The following MVD variants were observed in gnomAD, a reference collection of about 807,000 sequenced individuals.
MVD encodes mevalonate diphosphate decarboxylase.
Under a neutral mutation model 42.4 loss-of-function variants are expected in MVD, and 52 were observed. That is an observed-to-expected ratio of 1.23 (90% CI 0.98 to 1.55). The LOEUF (loss-of-function observed/expected upper bound fraction) is 1.55, where lower values mean the gene tolerates loss of function less well. Ranked by LOEUF, MVD falls within the 40% of genes most tolerant of loss-of-function variation. The pLI is 0.00. For synonymous variants in MVD, 287 were observed against 243.2 expected, an observed-to-expected ratio of 1.18 and a Z score of -1.68; for missense variants, 663 against 572.1, an observed-to-expected ratio of 1.16 and a Z score of -1.62.
chr16:88,655,025 G>A (rs1907815379), intron 7 of MVD, 174 bp downstream of exon 7: 2 of 952,518 alleles, frequency 2.1e-6, no homozygotes, highest in Non-Finnish European at 3.1e-6. Flanking sequence ...GGCAAGTCAA[G>A]AAACAAAATG....
At chr16:88,660,385 C>G (rs1465471474) in intron 1 of MVD, 5 of 152,228 alleles carry the variant, frequency 3.3e-5, no homozygotes, top group Non-Finnish European at 5.9e-5. Context: ...TGGCTCACAC[C>G]TACGATCCCA....
intron 1 of MVD, among the ~76,000 whole-genome samples, chr16:88,660,069 GT>G (rs1656977438): frequency 6.6e-6 from 1 of 152,026 alleles, no homozygotes; most frequent in Admixed American, 6.6e-5. Flanking sequence ...CCCTGAAGGA[GT>G]GGGGACTTTC....
At chr16:88,658,876 G>A (rs538535688) in intron 1 of MVD, 156 bp from the exon 2 acceptor site, 59 of 648,072 alleles carry the variant, frequency 9.1e-5, no homozygotes, top group African/African-American at 8.6e-4. Context: ...GCCAGACCCC[G>A]GCCTGCAAGA....
chr16:88,660,580 G>A (rs1457627718), intron 1 of MVD: 4 of 152,178 alleles, frequency 2.6e-5, no homozygotes, highest in South Asian at 4.1e-4. Context: ...GGGAAGCGGA[G>A]GTTGCAGTGA....
chr16:88,657,316 C>T, intron 4 of MVD, 120 bp downstream of exon 4: 2 of 1,381,486 alleles, frequency 1.4e-6, no homozygotes, highest in South Asian at 2.6e-5. Flanking sequence ...CCAGGGAGGC[C>T]TGGGGTGAGG....
At chr16:88,655,493 T>C in intron 6 of MVD, 76 bp from the exon 7 acceptor site, 1 of 1,520,470 alleles carries the variant, frequency 6.6e-7, no homozygotes, top group Non-Finnish European at 8.8e-7. Flanking sequence ...GACTCCGGGG[T>C]TGGAGGCCCG....
At position 88,656,204 on chromosome 16, in the gene MVD, C is replaced by T; in HGVS notation, c.504G>A (p.Val168=). The change falls in exon 5 of 10, where the codon GTG becomes GTA. Residue 168 remains valine (V), a synonymous_variant. Transcript: ENST00000301012. ...CGGCCTGCTCTCCCATCTGCCACTC[C>T]ACAAAGCCCCCATACAGGCTCCGGC... ...SACRSLYGGF[V]EWQMGEQADG... is the part of the protein sequence containing the mutation. 1.2e-6 allele frequency: 2 copies of T among 1,601,556 alleles called. No homozygotes were observed. The highest frequency in any genetic ancestry group is 8.5e-7 in the Non-Finnish European group (1 of 1,179,948).
intron 1 of MVD, among the ~76,000 whole-genome samples, chr16:88,661,560 A>G (rs1450130649): frequency 6.6e-6 from 1 of 152,074 alleles, no homozygotes; most frequent in Non-Finnish European, 1.5e-5. Flanking sequence ...TTATAGTAAA[A>G]AAGCAAACCA....
chr16:88,659,963 G>A (rs1229847654), intron 1 of MVD, among the ~76,000 whole-genome samples: 1 of 146,494 alleles, frequency 6.8e-6, no homozygotes, highest in East Asian at 2.0e-4. Context: ...GGCAACAGAG[G>A]GAGACCCTTT....
intron 2 of MVD, 73 bp downstream of exon 2, chr16:88,658,577 C>A: frequency 6.8e-7 from 1 of 1,480,414 alleles, no homozygotes; most frequent in African/African-American, 1.4e-5. Flanking sequence ...GCCACCATAC[C>A]CAACGGGTAC....
At chr16:88,658,159 G>T (rs1040694745) in intron 2 of MVD, 130 bp from the exon 3 acceptor site, 6 of 866,582 alleles carry the variant, frequency 6.9e-6, no homozygotes, top group Non-Finnish European at 1.1e-5. Context: ...GGGCAGGGGG[G>T]GAAAGGCCAG....
chr16:88,662,703 G>T, intron 1 of MVD: 1 of 1,391,136 alleles, frequency 7.2e-7, no homozygotes, highest in South Asian at 1.3e-5. Flanking sequence ...CACCACGGCG[G>T]ATTCTTACGA....
chr16:88,657,923 A>G lies in MVD; in HGVS notation c.248T>C (p.Leu83Pro), dbSNP rs771486207. ...DVGQPRLQAC[L>P]REIRCLARKR... ...TGGGGACCCCAGCTCACTCTCCCGC[A>G]GGCAGGCCTGCAGCCGCGGCTGCCC... is the stretch of plus-strand genomic sequence containing the variant. Residue 83 changes from leucine (L) to proline (P), a missense_variant, in exon 3 of 10, where the codon CTG becomes CCG. Transcript: ENST00000301012. 1 of 1,613,578 alleles carries G rather than the reference A, an allele frequency of 6.2e-7. No individual in the cohort carries two copies. Among genetic ancestry groups the G allele is most frequent in the South Asian group, 1.1e-5 (1 of 91,080 alleles).
chr16:88,659,075 T>A (rs1908127320), intron 1 of MVD: 2 of 320,734 alleles, frequency 6.2e-6, no homozygotes, highest in Non-Finnish European at 1.2e-5. Context: ...TGAGAACTCC[T>A]CACATCTCAC....
In MVD at chr16:88,653,129, C is replaced by T. The variant is rs149248794; in HGVS notation, c.1122+171G>A. Among the ~76,000 whole-genome samples the T allele has an allele frequency of 5.9e-3, 904 of 152,328 alleles. 7 individuals are homozygous for T. The highest frequency in any genetic ancestry group is 0.01 in the Middle Eastern group (3 of 294). Reference sequence around the variant, plus strand: ...CTGCTGCTCTGAGCATCACCAGTGGCCTGTAATGTCCACTTTGAGAGCAAA... The same window carrying T: ...CTGCTGCTCTGAGCATCACCAGTGGTCTGTAATGTCCACTTTGAGAGCAAA... On this transcript the variant is annotated intron_variant, in intron 9 of 9. Coordinates refer to ENST00000301012, the MANE Select transcript of MVD (RefSeq NM_002461.3).
intron 7 of MVD, 21 bp from the exon 8 acceptor site, chr16:88,654,828 C>A (rs777740195): frequency 2.6e-6 from 4 of 1,553,666 alleles, no homozygotes; most frequent in Non-Finnish European, 3.5e-6. Context: ...CAGCAGTCAC[C>A]CTGGCTATTC....
At chr16:88,654,829 C>T (rs757066711) in intron 7 of MVD, 22 bp from the exon 8 acceptor site, 2 of 1,552,788 alleles carry the variant, frequency 1.3e-6, no homozygotes, top group Admixed American at 4.2e-5. Context: ...AGCAGTCACC[C>T]TGGCTATTCA....
rs193185541 is a variant in MVD, at chr16:88,657,032, A to G, written c.403+404T>C. ...TTACGTGAGCCACAAAATCATCGCTATTTTAGGGCTGAGCCAGTTTGAAGT... is the reference window on the plus strand; with the variant it reads ...TTACGTGAGCCACAAAATCATCGCTGTTTTAGGGCTGAGCCAGTTTGAAGT... On this transcript the variant is annotated intron_variant, in intron 4 of 9. Transcript: ENST00000301012. 10 of 364,244 alleles carry G rather than the reference A, an allele frequency of 2.7e-5. No individual in the cohort carries two copies. The East Asian group carries it at 2.9e-4, about 11-fold the overall frequency. 22.6% of individuals were successfully genotyped at this position (364,244 alleles called of 1,614,324 possible).
chr16:88,653,275 G>C (rs771196937), intron 9 of MVD, 25 bp downstream of exon 9: 1 of 1,575,902 alleles, frequency 6.3e-7, no homozygotes, highest in South Asian at 1.1e-5. Context: ...AAACCCCGGG[G>C]TACTGGGTGA....
Sources: allele counts gnomAD v4.1 joint callset (sites outside exome capture counted in the v4.1 genomes callset), GRCh38; gene constraint gnomAD v4.1.1; transcripts MANE v1.5; gene names NCBI Gene and HGNC (gene_info 2026-07-23, HGNC 2026-07-21).